Variants in HTR7 observed in about 807,000 individuals in gnomAD.
HTR7 encodes the protein 5-hydroxytryptamine receptor 7.
A neutral mutation model predicts 34.0 loss-of-function variants in HTR7; 16 were observed. That is an observed-to-expected ratio of 0.47 (90% CI 0.32 to 0.71). HTR7 has a LOEUF of 0.71. HTR7 is among the 30% of genes least tolerant of loss of function. HTR7 has a pLI of 0.04. For synonymous variants in HTR7, 265 were observed against 260.2 expected (o/e 1.02, Z -0.18); for missense variants, 504 against 625.5 (o/e 0.81, Z 2.07).
intron 1 of HTR7, among the ~76,000 whole-genome samples, chr10:90,798,577 G>T (rs1156363319): frequency 6.6e-6 from 1 of 152,166 alleles, no homozygotes; most frequent in African/African-American, 2.4e-5. Context: ...TTAGCCAAGT[G>T]TGGTGGCACA....
At position 90,858,033 on chromosome 10, in the gene HTR7, G is replaced by C. The variant is rs1399640885; in HGVS notation, c.-362C>G. On this transcript the variant is annotated 5_prime_UTR_variant, in exon 1 of 4. Transcript: ENST00000336152. ...CCCGGGCGGCAGCGGCAGAAGTTGC[G>C]GAGTGCGCCCCGCCCCTCGCGCCCG... Among the ~76,000 whole-genome samples the C allele has an allele frequency of 6.8e-6, 1 of 147,292 alleles. No homozygotes were observed. Among genetic ancestry groups the C allele is most frequent in the Non-Finnish European group, 1.5e-5 (1 of 66,492 alleles).
At position 90,749,742 on chromosome 10, in the gene HTR7, A is replaced by G; in HGVS notation, c.540-148T>C. On this transcript the variant is annotated intron_variant, in intron 1 of 3. Transcript: ENST00000336152. The surrounding 1 kb of genome is among the most constrained non-coding windows in gnomAD (Gnocchi z 4.2). ...CTCCCATTTTGCAGAAAGGTAAACTAAGGCTCTGAGATGTTACCTATTTTA... is the reference window on the plus strand; with the variant it reads ...CTCCCATTTTGCAGAAAGGTAAACTGAGGCTCTGAGATGTTACCTATTTTA... 1.4e-6 allele frequency: 1 copy of G among 696,876 alleles called. No individual in the cohort carries two copies. Among genetic ancestry groups the G allele is most frequent in the Non-Finnish European group, 2.4e-6 (1 of 420,928 alleles). 43.2% of individuals were successfully genotyped at this position (696,876 alleles called of 1,614,324 possible).
At chr10:90,855,126 A>T (rs1020879620) in intron 1 of HTR7, among the ~76,000 whole-genome samples, 5 of 152,222 alleles carry the variant, frequency 3.3e-5, no homozygotes, top group Admixed American at 3.3e-4. Flanking sequence ...ATAATTTTTA[A>T]GCAGAATTCA....
At chr10:90,786,090 C>G (rs560570688) in intron 1 of HTR7, among the ~76,000 whole-genome samples, 19 of 152,188 alleles carry the variant, frequency 1.2e-4, no homozygotes, top group African/African-American at 4.6e-4. Context: ...GCACATATGT[C>G]GGGTTTATCT....
chr10:90,796,357 G>A (rs1287628030), intron 1 of HTR7, among the ~76,000 whole-genome samples: 1 of 152,234 alleles, frequency 6.6e-6, no homozygotes, highest in East Asian at 1.9e-4. Context: ...CAACACAAAT[G>A]TTCCAACCTA....
chr10:90,794,341 T>C (rs118104266), intron 1 of HTR7, among the ~76,000 whole-genome samples: 2,076 of 152,210 alleles, frequency 0.014, 26 homozygotes, highest in Non-Finnish European at 0.019. Context: ...CTGCCTGAGA[T>C]TATTTTACAG....
intron 1 of HTR7, among the ~76,000 whole-genome samples, chr10:90,786,015 A>G (rs944519742): frequency 1.3e-5 from 2 of 152,214 alleles, no homozygotes; most frequent in Non-Finnish European, 2.9e-5. Flanking sequence ...AGGTGCTTTC[A>G]TACCACCTGG....
chr10:90,844,725 T>TAAAAAAAAA (rs1564701422), intron 1 of HTR7, among the ~76,000 whole-genome samples: 9 of 27,796 alleles, frequency 3.2e-4, no homozygotes, highest in African/African-American at 8.2e-4. Flanking sequence ...AGACTCCGTC[T>TAAAAAAAAA]CAAAAAAAAA....
intron 1 of HTR7, among the ~76,000 whole-genome samples, chr10:90,824,901 G>A (rs1846045947): frequency 6.6e-6 from 1 of 152,198 alleles, no homozygotes; most frequent in Admixed American, 6.5e-5. Flanking sequence ...GGCCCATCTG[G>A]GGCCCTGGGG....
chr10:90,818,724 A>T (rs995160920), intron 1 of HTR7, among the ~76,000 whole-genome samples: 9 of 152,020 alleles, frequency 5.9e-5, no homozygotes, highest in African/African-American at 2.2e-4. Context: ...AACTAAATAA[A>T]CTTCTAGAGT....
intron 1 of HTR7, among the ~76,000 whole-genome samples, chr10:90,781,417 G>A (rs1260943076): frequency 6.6e-6 from 1 of 151,966 alleles, no homozygotes; most frequent in African/African-American, 2.4e-5. Context: ...CTCTTTCGAA[G>A]AGAAAAAAAG....
At chr10:90,804,458 C>T (rs1845673016) in intron 1 of HTR7, among the ~76,000 whole-genome samples, 1 of 152,176 alleles carries the variant, frequency 6.6e-6, no homozygotes, top group African/African-American at 2.4e-5. Context: ...CTAGAATGTG[C>T]CATGGGCTGG....
chr10:90,767,527 T>A (rs1008367467), intron 1 of HTR7, among the ~76,000 whole-genome samples: 1 of 152,142 alleles, frequency 6.6e-6, no homozygotes, highest in Non-Finnish European at 1.5e-5. Context: ...AATATGGCCA[T>A]ATATTCTTTG....
chr10:90,808,205 GC>G (rs1183197358), intron 1 of HTR7, among the ~76,000 whole-genome samples: 1 of 152,104 alleles, frequency 6.6e-6, no homozygotes, highest in African/African-American at 2.4e-5. Context: ...TCTGGGGGGG[GC>G]AAGTACCCCA....
intron 2 of HTR7, among the ~76,000 whole-genome samples, chr10:90,747,797 T>G (rs553628506): frequency 6.6e-6 from 1 of 152,320 alleles, no homozygotes; most frequent in South Asian, 2.1e-4. Flanking sequence ...ACTAATCTGC[T>G]CATTCTCTCA....
At chr10:90,755,935 A>C (rs964662392) in intron 1 of HTR7, among the ~76,000 whole-genome samples, 1 of 152,252 alleles carries the variant, frequency 6.6e-6, no homozygotes, top group Non-Finnish European at 1.5e-5. Flanking sequence ...ATAGCTCCAA[A>C]TGAAACTAAT....
chr10:90,849,403 A>C (rs946466985), intron 1 of HTR7, among the ~76,000 whole-genome samples: 2 of 152,252 alleles, frequency 1.3e-5, no homozygotes, highest in Non-Finnish European at 2.9e-5. Context: ...ATTAAAAAAA[A>C]AACACATATT....
At chr10:90,856,359 C>T (rs1431221531) in intron 1 of HTR7, among the ~76,000 whole-genome samples, 1 of 152,154 alleles carries the variant, frequency 6.6e-6, no homozygotes, top group Non-Finnish European at 1.5e-5. Flanking sequence ...AACCTTACAG[C>T]CTGAAGAAAC....
chr10:90,771,615 T>C (rs1845113111), intron 1 of HTR7, among the ~76,000 whole-genome samples: 1 of 152,206 alleles, frequency 6.6e-6, no homozygotes, highest in Admixed American at 6.5e-5. Context: ...CCCAGAGAGC[T>C]GACGCCCATG....
Sources: gnomAD v4.1 joint callset for allele counts (sites outside exome capture counted in the v4.1 genomes callset) on GRCh38, gnomAD v4.1.1 for gene constraint, Gnocchi (gnomAD v3.1) non-coding constraint, MANE v1.5 for transcripts, NCBI Gene and HGNC (gene_info 2026-07-23, HGNC 2026-07-21) for gene names.